DGKB: variants seen among roughly 807,000 people sequenced by gnomAD.
DGKB encodes the protein 90 kDa diacylglycerol kinase.
In DGKB, 67 loss-of-function variants were observed where a neutral mutation model predicts 114.3. The ratio of observed to expected loss-of-function variants is 0.59; its 90% CI spans 0.48 to 0.72. DGKB has a LOEUF of 0.72. Among genes scored for constraint, DGKB ranks in the 30% least tolerant of loss-of-function variants. The probability of loss-of-function intolerance (pLI) is 0.00; values close to 1 mark genes in which losing one functional copy is unlikely to be tolerated. For missense variants in DGKB, 907 were observed against 975.2 expected, an observed-to-expected ratio of 0.93 and a Z score of 0.93; for synonymous variants, 398 against 323.1, an observed-to-expected ratio of 1.23 and a Z score of -2.49.
intron 21 of DGKB, among the ~76,000 whole-genome samples, chr7:14,393,522 T>C (rs1391036507): frequency 2.0e-5 from 3 of 152,216 alleles, no homozygotes; most frequent in African/African-American, 7.2e-5. Flanking sequence ...TAAATATCTT[T>C]AATTTTGCAT....
intron 21 of DGKB, among the ~76,000 whole-genome samples, chr7:14,376,477 C>T (rs1210726786): frequency 1.3e-5 from 2 of 152,068 alleles, no homozygotes; most frequent in Non-Finnish European, 2.9e-5. Context: ...GGTCATGCCC[C>T]CAAAATTAAC....
chr7:14,717,656 G>A (rs552069005), intron 6 of DGKB, among the ~76,000 whole-genome samples: 14 of 151,906 alleles, frequency 9.2e-5, no homozygotes, highest in South Asian at 2.1e-4. Context: ...ATTCTGAGAC[G>A]TCATGATTAT....
Position 14,566,665 on chromosome 7 carries a change from C to T in DGKB, c.1770+7547G>A, listed in dbSNP as rs74394158. ...CATAGTCCTACAGGAGACTTCGAGA[C>T]ATGGTGGCAGCTGTGTTAACAGCAG... is the stretch of plus-strand genomic sequence containing the variant. On this transcript the variant is annotated intron_variant, in intron 20 of 25. Coordinates refer to ENST00000402815, the MANE Select transcript of DGKB (RefSeq NM_001350709.2). Among the ~76,000 whole-genome samples, 151 of 152,252 alleles carry T rather than the reference C, an allele frequency of 9.9e-4. 2 individuals carry two copies. In the East Asian group the frequency reaches 0.025, roughly 26 times the overall value.
intron 1 of DGKB, among the ~76,000 whole-genome samples, chr7:14,959,390 T>A (rs188675068): frequency 2.7e-5 from 4 of 149,738 alleles, no homozygotes; most frequent in Non-Finnish European, 6.0e-5. Flanking sequence ...TTTTTTTTTT[T>A]AAATGTGTGT....
intron 25 of DGKB, among the ~76,000 whole-genome samples, chr7:14,165,426 C>CA (rs960625296): frequency 3.3e-5 from 5 of 152,028 alleles, no homozygotes; most frequent in Non-Finnish European, 7.4e-5. Flanking sequence ...CCACCTATCA[C>CA]AAAAAAATGC....
intron 23 of DGKB, among the ~76,000 whole-genome samples, chr7:14,313,400 A>T (rs2128510395): frequency 6.6e-6 from 1 of 152,112 alleles, no homozygotes; most frequent in Non-Finnish European, 1.5e-5. Flanking sequence ...CAGTGGGCGC[A>T]GGTCAGTGGG....
intron 21 of DGKB, among the ~76,000 whole-genome samples, chr7:14,392,989 G>GTTTTTT (rs776845811): frequency 0.055 from 550 of 9,984 alleles, 13 homozygotes; most frequent in Non-Finnish European, 0.15. Context: ...CCTGTTTTTT[G>GTTTTTT]TTTTTGTTTT....
At chr7:14,173,717 C>G (rs1781338288) in intron 25 of DGKB, among the ~76,000 whole-genome samples, 1 of 152,128 alleles carries the variant, frequency 6.6e-6, no homozygotes, top group Admixed American at 6.5e-5. Flanking sequence ...ACTAAATATT[C>G]TCTTCAATTA....
At chr7:14,840,759 C>T (rs976866828) in intron 2 of DGKB, among the ~76,000 whole-genome samples, 3 of 150,372 alleles carry the variant, frequency 2.0e-5, no homozygotes, top group African/African-American at 7.3e-5. Flanking sequence ...TCCCTTTTCC[C>T]TCCCTCTTGA....
At chr7:14,853,622 C>A (rs536403845) in intron 1 of DGKB, among the ~76,000 whole-genome samples, 1 of 151,408 alleles carries the variant, frequency 6.6e-6, no homozygotes, top group Admixed American at 6.6e-5. Context: ...ATTGGGAGGC[C>A]GAGGTGGGCG....
chr7:14,933,785 G>A (rs1043718260), intron 1 of DGKB, among the ~76,000 whole-genome samples: 4 of 151,928 alleles, frequency 2.6e-5, no homozygotes, highest in Admixed American at 6.6e-5. Context: ...GCTGCTCTTC[G>A]ATTATGATTA....
chr7:14,304,360 T>A (rs1306476540), intron 23 of DGKB, among the ~76,000 whole-genome samples: 1 of 152,154 alleles, frequency 6.6e-6, no homozygotes. Context: ...TAGATTTTTT[T>A]ATTGCACCAT....
intron 6 of DGKB, among the ~76,000 whole-genome samples, chr7:14,714,977 A>C (rs1301752852): frequency 1.3e-5 from 2 of 152,180 alleles, no homozygotes; most frequent in Non-Finnish European, 2.9e-5. Context: ...GTGTGAAGGA[A>C]TGTATGTGAA....
At chr7:14,729,466 G>C (rs1830601719) in intron 5 of DGKB, among the ~76,000 whole-genome samples, 1 of 152,184 alleles carries the variant, frequency 6.6e-6, no homozygotes, top group Non-Finnish European at 1.5e-5. Flanking sequence ...CAATTTATAA[G>C]TGATGAATTT....
intron 21 of DGKB, among the ~76,000 whole-genome samples, chr7:14,387,699 G>A (rs985436695): frequency 1.3e-5 from 2 of 152,058 alleles, no homozygotes; most frequent in South Asian, 2.1e-4. Context: ...TTACAGTTGT[G>A]AGCCACCATG....
chr7:14,831,191 G>C (rs1846366335), intron 2 of DGKB, among the ~76,000 whole-genome samples: 1 of 151,876 alleles, frequency 6.6e-6, no homozygotes, highest in South Asian at 2.1e-4. Context: ...AAGACAAGGA[G>C]ACTTCTGTGC....
chr7:14,419,919 G>A (rs1240132340), intron 21 of DGKB, among the ~76,000 whole-genome samples: 1 of 152,010 alleles, frequency 6.6e-6, no homozygotes, highest in Non-Finnish European at 1.5e-5. Context: ...AATAGACATT[G>A]TGTCTGGCTG....
At chr7:14,297,953 C>A (rs1485546672) in intron 23 of DGKB, among the ~76,000 whole-genome samples, 1 of 152,072 alleles carries the variant, frequency 6.6e-6, no homozygotes, top group Non-Finnish European at 1.5e-5. Flanking sequence ...CTCCCATTCA[C>A]AATTGCTACA....
chr7:14,455,793 G>C (rs1338166124), intron 21 of DGKB, among the ~76,000 whole-genome samples: 1 of 151,892 alleles, frequency 6.6e-6, no homozygotes, highest in Non-Finnish European at 1.5e-5. Context: ...TTAAGAAGAG[G>C]AAATTACCTT....
Sources: gnomAD v4.1 joint callset for allele counts (sites outside exome capture counted in the v4.1 genomes callset) on GRCh38, gnomAD v4.1.1 for gene constraint, MANE v1.5 for transcripts, NCBI Gene and HGNC (gene_info 2026-07-23, HGNC 2026-07-21) for gene names.